ARHGAP21: variants seen among roughly 807,000 people sequenced by gnomAD.
ARHGAP21 encodes the protein Rho GTPase activating protein 21.
ARHGAP21 carries 38 observed loss-of-function variants against 164.6 expected under a neutral mutation model. That is an observed-to-expected ratio of 0.23 (90% confidence interval 0.18 to 0.30). The LOEUF (loss-of-function observed/expected upper bound fraction) is 0.30. Among genes scored for constraint, ARHGAP21 ranks in the 10% least tolerant of loss-of-function variants. The pLI is 1.00. For missense variants in ARHGAP21, 1,822 were observed against 2,370.7 expected, an observed-to-expected ratio of 0.77 and a Z score of 4.81; for synonymous variants, 766 against 857.9, an observed-to-expected ratio of 0.89 and a Z score of 1.87.
chr10:24,623,166 A>G (rs1834747412), intron 7 of ARHGAP21, among the ~76,000 whole-genome samples: 1 of 152,158 alleles, frequency 6.6e-6, no homozygotes, highest in South Asian at 2.1e-4. Context: ...ATGCTCTATT[A>G]TGCATTTAAA....
rs563380176 is a variant in ARHGAP21, at chr10:24,666,547, G to A, written c.268+438C>T. 1.4e-4 allele frequency among the ~76,000 whole-genome samples: 22 copies of A among 152,150 alleles called. No individual in the cohort carries two copies. The East Asian group carries it at 4.1e-3, about 28-fold the overall frequency. On this transcript the variant is annotated intron_variant, in intron 4 of 25. Transcript: ENST00000396432. ...ATCTCCAGCCTGATTGTCCTTTTAC[G>A]TTCATTAATGTTTAAATCAACAGTA...
chr10:24,608,452 T>C (rs1024899167), intron 9 of ARHGAP21, among the ~76,000 whole-genome samples: 2 of 152,164 alleles, frequency 1.3e-5, no homozygotes, highest in African/African-American at 4.8e-5. Flanking sequence ...CTTACTCTTA[T>C]AAAAACATCA....
chr10:24,609,933 AAATC>A (rs1284464791), intron 9 of ARHGAP21, among the ~76,000 whole-genome samples: 4 of 152,238 alleles, frequency 2.6e-5, no homozygotes, highest in African/African-American at 7.2e-5. Flanking sequence ...TGTTAGATGA[AAATC>A]AATCATCTTT....
At chr10:24,600,585 A>G in intron 14 of ARHGAP21, 61 bp downstream of exon 14, 1 of 1,548,452 alleles carries the variant, frequency 6.5e-7, no homozygotes, top group Non-Finnish European at 8.7e-7. Context: ...TATTCCTTAG[A>G]TCTTTGTAAG....
rs74122851 is a variant in ARHGAP21 at position 24,708,008 on chromosome 10, G to A, written c.63+13829C>T. Reference sequence around the variant, plus strand: ...GTGTTTCCCAAGTATGTTCCTACTTGTTTTATAGGATGCAGAATATAAACT... The same window carrying A: ...GTGTTTCCCAAGTATGTTCCTACTTATTTTATAGGATGCAGAATATAAACT... On this transcript the variant is annotated intron_variant, in intron 2 of 25. Coordinates refer to ENST00000396432, the MANE Select transcript of ARHGAP21 (RefSeq NM_020824.4). 3.3e-3 allele frequency among the ~76,000 whole-genome samples: 496 copies of A among 152,244 alleles called. 2 individuals carry two copies. Among genetic ancestry groups the A allele is most frequent in the African/African-American group, 0.011 (466 of 41,538 alleles).
At chr10:24,604,606 T>A (rs1592988438) in intron 11 of ARHGAP21, among the ~76,000 whole-genome samples, 3 of 152,212 alleles carry the variant, frequency 2.0e-5, no homozygotes, top group African/African-American at 4.8e-5. Context: ...TTCTTTTTTT[T>A]ATCAAAGAAA....
intron 2 of ARHGAP21, chr10:24,714,429 T>C (rs530935429): frequency 2.0e-4 from 31 of 152,334 alleles, no homozygotes; most frequent in African/African-American, 7.5e-4. Flanking sequence ...AGAAATTCTT[T>C]AGATCTGGGT....
At chr10:24,681,640 CTTT>C (rs11439346) in intron 2 of ARHGAP21, among the ~76,000 whole-genome samples, 208 of 146,472 alleles carry the variant, frequency 1.4e-3, no homozygotes, top group Non-Finnish European at 2.5e-3. Flanking sequence ...AGCATTTTGT[CTTT>C]TTTTTTTTCC....
intron 21 of ARHGAP21, among the ~76,000 whole-genome samples, chr10:24,592,940 A>G (rs1326391674): frequency 6.6e-6 from 1 of 152,124 alleles, no homozygotes; most frequent in Non-Finnish European, 1.5e-5. Flanking sequence ...TAATTTCCAT[A>G]TTTGGTATTC....
intron 24 of ARHGAP21, 103 bp downstream of exon 24, chr10:24,591,122 G>T: frequency 8.9e-7 from 1 of 1,121,394 alleles, no homozygotes; most frequent in Non-Finnish European, 1.3e-6. Context: ...AAGAGAAAAA[G>T]AAAAAAATCA....
chr10:24,687,734 C>T (rs1246478960), intron 2 of ARHGAP21, among the ~76,000 whole-genome samples: 1 of 152,160 alleles, frequency 6.6e-6, no homozygotes, highest in East Asian at 1.9e-4. Flanking sequence ...AATTAAAAGT[C>T]GAGCTTAAAT....
At chr10:24,711,921 CT>C (rs1052870151) in intron 2 of ARHGAP21, among the ~76,000 whole-genome samples, 135 of 146,296 alleles carry the variant, frequency 9.2e-4, no homozygotes, top group African/African-American at 1.7e-3. Context: ...TAATTAAGAA[CT>C]TTTTTTTTTT....
At chr10:24,665,889 A>G (rs1840144469) in intron 4 of ARHGAP21, among the ~76,000 whole-genome samples, 8 of 152,252 alleles carry the variant, frequency 5.3e-5, no homozygotes. Flanking sequence ...AGTGAATACA[A>G]CGTGGGATTC....
chr10:24,586,439 G>A (rs1369513194), intron 25 of ARHGAP21, among the ~76,000 whole-genome samples: 1 of 152,094 alleles, frequency 6.6e-6, no homozygotes, highest in East Asian at 1.9e-4. Context: ...CAGTGCCCAG[G>A]CATTCTTCAC....
rs2076479763 is a variant in ARHGAP21, at chr10:24,594,327, T to TACAAAGACACTTTTACAATCAAGAAA, written c.3876+597_3876+622dup. Among the ~76,000 whole-genome samples the TACAAAGACACTTTTACAATCAAGAAA allele has an allele frequency of 2.0e-5, 3 of 152,130 alleles. No homozygotes were observed. The South Asian group carries it at 6.2e-4, about 32-fold the overall frequency. Reference sequence around the variant, plus strand: ...GGATATTGACTTAAGCAAATAACCCTACAAAGACACTTTTACAATCAAGAA... The same window carrying TACAAAGACACTTTTACAATCAAGAAA: ...GGATATTGACTTAAGCAAATAACCCTACAAAGACACTTTTACAATCAAGAAAACAAAGACACTTTTACAATCAAGAA... On this transcript the variant is annotated intron_variant, in intron 21 of 25. Coordinates refer to ENST00000396432, the MANE Select transcript of ARHGAP21 (RefSeq NM_020824.4).
chr10:24,631,931 G>C (rs1163657846), intron 6 of ARHGAP21, among the ~76,000 whole-genome samples: 1 of 151,992 alleles, frequency 6.6e-6, no homozygotes, highest in Admixed American at 6.5e-5. Context: ...ATGTTGCCCA[G>C]GCTGGTATCA....
intron 4 of ARHGAP21, among the ~76,000 whole-genome samples, chr10:24,642,314 G>A (rs1449610491): frequency 6.6e-6 from 1 of 151,862 alleles, no homozygotes; most frequent in Non-Finnish European, 1.5e-5. Context: ...AGGAGATCGA[G>A]ACCATCCTGG....
At chr10:24,721,764 A>G (rs2132361735) in intron 2 of ARHGAP21, 73 bp downstream of exon 2, 1 of 1,564,758 alleles carries the variant, frequency 6.4e-7, no homozygotes, top group South Asian at 1.1e-5. Flanking sequence ...CGTGGCCGGT[A>G]ACCCCCAACT....
intron 4 of ARHGAP21, among the ~76,000 whole-genome samples, chr10:24,664,367 CA>C (rs1231484413): frequency 2.0e-5 from 3 of 151,830 alleles, no homozygotes; most frequent in Non-Finnish European, 2.9e-5. Context: ...CCATCCTGGC[CA>C]ACATGGTGAA....
Sources: gnomAD v4.1 joint callset for allele counts (sites outside exome capture counted in the v4.1 genomes callset) on GRCh38, gnomAD v4.1.1 for gene constraint, MANE v1.5 for transcripts, NCBI Gene and HGNC (gene_info 2026-07-23, HGNC 2026-07-21) for gene names.